POLI: variants seen among roughly 807,000 people sequenced by gnomAD.
The protein encoded by POLI is DNA polymerase iota, also known as RAD30 homolog B.
A neutral mutation model predicts 51.6 loss-of-function variants in POLI; 58 were observed. The observed-to-expected ratio is 1.12, with a 90% confidence interval of 0.91 to 1.40. The LOEUF (loss-of-function observed/expected upper bound fraction) is 1.40, where lower values mean the gene tolerates loss of function less well. Among genes scored for constraint, POLI ranks in the 40% most tolerant of loss-of-function variants. The pLI is 0.00. For synonymous variants in POLI, 322 were observed against 299.7 expected (o/e 1.07, Z -0.77); for missense variants, 921 against 871.3 (o/e 1.06, Z -0.72).
intron 7 of POLI, among the ~76,000 whole-genome samples, chr18:54,286,117 A>G (rs1042037484): frequency 6.6e-6 from 1 of 152,066 alleles, no homozygotes; most frequent in African/African-American, 2.4e-5. Context: ...TCCCACCTCA[A>G]CTTCCCAAAG....
Position 54,297,940 on chromosome 18 carries a change from C to T in POLI, c.*3473C>T. The T allele has an allele frequency of 6.1e-6, 6 of 981,158 alleles. No individual in the cohort carries two copies. The highest frequency in any genetic ancestry group is 7.3e-6 in the Non-Finnish European group (6 of 826,272). 60.8% of individuals were successfully genotyped at this position (981,158 alleles called of 1,614,324 possible). A position where few individuals can be genotyped will look rare whatever the true frequency, so the allele number is the denominator to read the frequency against. On this transcript the variant is annotated 3_prime_UTR_variant, in exon 10 of 10. Transcript: ENST00000579534. ...TCTTTATACCTTCTGAAATTATGTC[C>T]TTAGAGCTGTAGATTTAGAACTGAC...
downstream of POLI, among the ~76,000 whole-genome samples, chr18:54,301,579 T>C (rs1253125486): frequency 6.6e-6 from 1 of 152,204 alleles, no homozygotes; most frequent in East Asian, 1.9e-4. Flanking sequence ...GCTTTCTTTC[T>C]CAGAGTTCAT....
intron 3 of POLI, among the ~76,000 whole-genome samples, chr18:54,312,748 G>A (rs1166463980): frequency 6.6e-6 from 1 of 152,116 alleles, no homozygotes. Context: ...CTGCTTGTAT[G>A]TCTTCTTTTG....
chr18:54,299,823 A>G (rs2088461284), downstream of POLI, among the ~76,000 whole-genome samples: 1 of 152,220 alleles, frequency 6.6e-6, no homozygotes, highest in South Asian at 2.1e-4. Flanking sequence ...ACCAAGGAGT[A>G]ACCTAATCAG....
At chr18:54,291,129 T>C (rs564544899) in intron 8 of POLI, among the ~76,000 whole-genome samples, 1 of 152,316 alleles carries the variant, frequency 6.6e-6, no homozygotes, top group Non-Finnish European at 1.5e-5. Context: ...GCATGTAGCC[T>C]CCTAGTCAAC....
At position 54,293,860 on chromosome 18, in the gene POLI, T is replaced by C. The variant is rs762417531; in HGVS notation, c.1616T>C (p.Ile539Thr). 1 of 1,611,980 alleles carries C rather than the reference T, an allele frequency of 6.2e-7. No homozygotes were observed. Among genetic ancestry groups the C allele is most frequent in the Non-Finnish European group, 8.5e-7 (1 of 1,178,730 alleles). Residue 539 changes from isoleucine (I) to threonine (T), a missense_variant, in exon 10 of 10, where the codon ATT becomes ACT. Transcript: ENST00000579534. ...GTCTTCAAGCAGCTTCCAGTAGATA[T>C]TCAAGAAGAAATCCTTTCTGGAAAA... The part of the protein sequence containing the change: ...QEVFKQLPVD[I>T]QEEILSGKSR...
At chr18:54,270,263 T>G (rs2086943960) in intron 1 of POLI, 1 of 154,860 alleles carries the variant, frequency 6.5e-6, no homozygotes, top group Non-Finnish European at 1.4e-5. Context: ...TGGGCTCAAG[T>G]GATCCTCCGC....
chr18:54,281,180 T>A (rs145684207), intron 5 of POLI, among the ~76,000 whole-genome samples: 1 of 152,194 alleles, frequency 6.6e-6, no homozygotes, highest in African/African-American at 2.4e-5. Flanking sequence ...CCTAGAAACA[T>A]ATGGTCCTTT....
At chr18:54,307,188 T>C (rs1466396937) in intron 3 of POLI, among the ~76,000 whole-genome samples, 1 of 152,224 alleles carries the variant, frequency 6.6e-6, no homozygotes, top group Non-Finnish European at 1.5e-5. Context: ...TGTTAGGGTG[T>C]CAATTTTAGA....
chr18:54,316,122 C>A (rs1183422020), intron 3 of POLI, among the ~76,000 whole-genome samples: 1 of 152,052 alleles, frequency 6.6e-6, no homozygotes, highest in African/African-American at 2.4e-5. Flanking sequence ...ACTGTGTTGC[C>A]CAGACTGGTT....
At chr18:54,274,520 GA>G (rs949880085) in intron 3 of POLI, among the ~76,000 whole-genome samples, 3 of 151,708 alleles carry the variant, frequency 2.0e-5, no homozygotes, top group African/African-American at 4.8e-5. Flanking sequence ...GATTTCTTAT[GA>G]AATATTAATA....
intron 8 of POLI, among the ~76,000 whole-genome samples, chr18:54,290,925 A>T (rs542437118): frequency 6.6e-6 from 1 of 152,210 alleles, no homozygotes. Context: ...ATGTATACCT[A>T]TGTAACAAAT....
At chr18:54,313,170 T>C (rs981820592) in intron 3 of POLI, among the ~76,000 whole-genome samples, 1 of 152,200 alleles carries the variant, frequency 6.6e-6, no homozygotes, top group Non-Finnish European at 1.5e-5. Flanking sequence ...TGCATATGGA[T>C]AGCCAGTTAT....
At chr18:54,270,148 C>A in intron 1 of POLI, 1 of 466,244 alleles carries the variant, frequency 2.1e-6, no homozygotes, top group Non-Finnish European at 2.8e-6. Context: ...TTACCTTGTA[C>A]CGCCCACCTC....
rs774511521 is a variant in POLI, at chr18:54,315,580, A to G, written c.334-4693A>G. ...GTGGGGTGGTGAAGTCTCTATTACTATGTGGCTAAGTCTTTTTGTAGGTCT... is the reference window on the plus strand; with the variant it reads ...GTGGGGTGGTGAAGTCTCTATTACTGTGTGGCTAAGTCTTTTTGTAGGTCT... On this transcript the variant is annotated intron_variant, in intron 3 of 4. Transcript: ENST00000579823. Among the ~76,000 whole-genome samples, 40 of 151,902 alleles carry G rather than the reference A, an allele frequency of 2.6e-4. 1 individual carries two copies. The highest frequency in any genetic ancestry group is 8.8e-5 in the Non-Finnish European group (6 of 67,872).
intron 3 of POLI, among the ~76,000 whole-genome samples, chr18:54,319,315 C>T (rs2088768447): frequency 1.3e-5 from 2 of 152,076 alleles, no homozygotes; most frequent in African/African-American, 2.4e-5. Context: ...TGTTGCACTC[C>T]CCTCTATGGA....
In POLI at chr18:54,295,413, A is replaced by T. The variant is rs941459077; in HGVS notation, c.*946A>T. 1 of 976,278 alleles carries T rather than the reference A, an allele frequency of 1.0e-6. No individual in the cohort carries two copies. Among genetic ancestry groups the T allele is most frequent in the South Asian group, 4.7e-5 (1 of 21,092 alleles). 60.5% of individuals were successfully genotyped at this position (976,278 alleles called of 1,614,324 possible). ...TTGCCTGCTAAACTAAAAATTGGAT[A>T]TAAGATTGAGAATGTATTATATAAT... On this transcript the variant is annotated 3_prime_UTR_variant, in exon 10 of 10. Transcript: ENST00000579534.
At chr18:54,293,503 T>C (rs112012268) in intron 9 of POLI, 146 bp from the exon 10 acceptor site, 1 of 569,934 alleles carries the variant, frequency 1.8e-6, no homozygotes, top group Non-Finnish European at 3.1e-6. Context: ...GTAGTAGATC[T>C]CTAGTTGTTT....
intron 3 of POLI, among the ~76,000 whole-genome samples, chr18:54,319,701 C>T (rs2088772012): frequency 6.6e-6 from 1 of 151,914 alleles, no homozygotes; most frequent in Non-Finnish European, 1.5e-5. Flanking sequence ...TAGAAGTAAT[C>T]GAAGTGACAA....
Sources: allele counts gnomAD v4.1 joint callset (sites outside exome capture counted in the v4.1 genomes callset), GRCh38; gene constraint gnomAD v4.1.1; transcripts MANE v1.5; gene names NCBI Gene and HGNC (gene_info 2026-07-23, HGNC 2026-07-21).